Variants in CDKN2AIP observed in about 807,000 individuals in gnomAD.
The protein encoded by CDKN2AIP is CDKN2A interacting protein, also known as CDKN2A-interacting protein.
In CDKN2AIP, 12 loss-of-function variants were observed where a neutral mutation model predicts 44.1. The observed-to-expected ratio is 0.27, with a 90% CI of 0.17 to 0.44. CDKN2AIP has a LOEUF of 0.44. Among genes scored for constraint, CDKN2AIP ranks in the 20% least tolerant of loss-of-function variants. CDKN2AIP has a pLI of 1.00. For missense variants in CDKN2AIP, 705 were observed against 681.6 expected, an observed-to-expected ratio of 1.03 and a Z score of -0.38; for synonymous variants, 291 against 272.1, an observed-to-expected ratio of 1.07 and a Z score of -0.68.
rs1733687058 is a variant in CDKN2AIP, at chr4:183,446,600, T to C, written c.916T>C (p.Leu306=). 6.2e-7 allele frequency: 1 copy of C among 1,614,140 alleles called. No homozygotes were observed. Among genetic ancestry groups the C allele is most frequent in the Non-Finnish European group, 8.5e-7 (1 of 1,179,958 alleles). The change falls in exon 3 of 3, where the codon TTG becomes CTG. Residue 306 remains leucine (L), a synonymous_variant. Transcript: ENST00000504169. ...SGSSEVELPL[L]SSKPSSETAS... is the part of the protein sequence containing the mutation. ...AAGCTCAGAGGTAGAATTGCCACTA[T>C]TGTCTTCCAAACCTAGTTCAGAGAC...
Position 183,446,126 on chromosome 4 carries a change from G to A in CDKN2AIP, c.442G>A (p.Gly148Arg). 6.2e-7 allele frequency: 1 copy of A among 1,612,778 alleles called. No homozygotes were observed. Among genetic ancestry groups the A allele is most frequent in the Non-Finnish European group, 8.5e-7 (1 of 1,179,588 alleles). Residue 148 changes from glycine to arginine, a missense_variant, in exon 3 of 3, where the codon GGA (glycine) becomes AGA (arginine). Physicochemically the swap from Gly to Arg is moderately radical, Grantham distance 125 (BLOSUM62 -2). This residue lies in a region of CDKN2AIP where 592 missense variants were observed against 518.0 expected (regional missense o/e 1.14). Coordinates refer to ENST00000504169, the MANE Select transcript of CDKN2AIP (RefSeq NM_017632.4). Reference protein sequence around the residue: ...EEPSKKRVIEGKNSSAVEQDH... With the variant: ...EEPSKKRVIERKNSSAVEQDH... Reference sequence around the variant, plus strand: ...GCCATCCAAAAAACGAGTTATAGAAGGAAAAAACAGTTCTGCAGTTGAGCA... The same window carrying A: ...GCCATCCAAAAAACGAGTTATAGAAAGAAAAAACAGTTCTGCAGTTGAGCA...
chr4:183,445,089 T>C lies in CDKN2AIP; in HGVS notation c.272+20T>C, dbSNP rs1199986277. 1 of 1,559,096 alleles carries C rather than the reference T, an allele frequency of 6.4e-7. No individual in the cohort carries two copies. Among genetic ancestry groups the C allele is most frequent in the South Asian group, 1.2e-5 (1 of 85,776 alleles). Reference sequence around the variant, plus strand: ...GTGCCGGTGAGTGAGGCAGCGTCCCTAACCAGCACGCCTCGTTTTGTGTGC... The same window carrying C: ...GTGCCGGTGAGTGAGGCAGCGTCCCCAACCAGCACGCCTCGTTTTGTGTGC... On this transcript the variant is annotated intron_variant, in intron 1 of 2. Transcript: ENST00000504169.
chr4:183,445,843 G>A, intron 2 of CDKN2AIP, 178 bp downstream of exon 2: 1 of 648,666 alleles, frequency 1.5e-6, no homozygotes, highest in African/African-American at 1.8e-5. Context: ...GAATTTGATA[G>A]TTTGCTTTGA....
In CDKN2AIP at chr4:183,447,917, T is replaced by C. The variant is rs1226241042; in HGVS notation, c.*490T>C. ...TGTTAAAAAATAAAAGAAAAAATAG[T>C]TGCTTCAAACTATTTTTATGAGAAG... On this transcript the variant is annotated 3_prime_UTR_variant, in exon 3 of 3. Transcript: ENST00000504169. The C allele has an allele frequency of 1.3e-5, 2 of 152,360 alleles. No homozygotes were observed. The highest frequency in any genetic ancestry group is 2.9e-5 in the Non-Finnish European group (2 of 68,042). The allele number at this position is 152,360 out of a possible 1,614,324, so 9.4% of individuals were successfully genotyped here. A position where few individuals can be genotyped will look rare whatever the true frequency, so the allele number is the denominator to read the frequency against.
rs1733740550 is a variant in CDKN2AIP at position 183,449,016 on chromosome 4, GAAAAGC to G, written c.*1594_*1599del. 6.6e-6 allele frequency among the ~76,000 whole-genome samples: 1 copy of G among 152,000 alleles called. No individual in the cohort carries two copies. The highest frequency in any genetic ancestry group is 2.4e-5 in the African/African-American group (1 of 41,382). ...GTATTTTGTGGGATAATGATTATCA[GAAAAGC>G]AAAAAATTACAACGAACAAATAAAT... On this transcript the variant is annotated 3_prime_UTR_variant, in exon 3 of 3. Coordinates refer to ENST00000504169, the MANE Select transcript of CDKN2AIP (RefSeq NM_017632.4).
chr4:183,445,364 C>G (rs1233134949), intron 1 of CDKN2AIP, 171 bp from the exon 2 acceptor site: 2 of 633,252 alleles, frequency 3.2e-6, no homozygotes, highest in Non-Finnish European at 5.5e-6. Flanking sequence ...AGGAGGTGCC[C>G]TGCCTCCCAG....
intron 2 of CDKN2AIP, 94 bp downstream of exon 2, chr4:183,445,759 G>C: frequency 2.1e-6 from 2 of 974,440 alleles, no homozygotes; most frequent in Non-Finnish European, 3.2e-6. Context: ...TAACAAGCCA[G>C]AATTTTTATG....
At chr4:183,445,182 G>A in intron 1 of CDKN2AIP, 113 bp downstream of exon 1, 3 of 1,335,864 alleles carry the variant, frequency 2.2e-6, no homozygotes, top group South Asian at 2.8e-5. Flanking sequence ...GTTGTGAAGC[G>A]CGGGAATCCG....
In CDKN2AIP at chr4:183,447,863, A is replaced by G. The variant is rs934493580; in HGVS notation, c.*436A>G. On this transcript the variant is annotated 3_prime_UTR_variant, in exon 3 of 3. Coordinates refer to ENST00000504169, the MANE Select transcript of CDKN2AIP (RefSeq NM_017632.4). Reference sequence around the variant, plus strand: ...AAAGTCTGTAAAGCTTAAGGTTTTAAAAATGTTGCCCGTAATGTTGAACGT... The same window carrying G: ...AAAGTCTGTAAAGCTTAAGGTTTTAGAAATGTTGCCCGTAATGTTGAACGT... 2.6e-5 allele frequency: 4 copies of G among 153,058 alleles called. No individual in the cohort carries two copies. Among genetic ancestry groups the G allele is most frequent in the Admixed American group, 6.5e-5 (1 of 15,290 alleles). 9.5% of individuals were successfully genotyped at this position (153,058 alleles called of 1,614,324 possible).
intron 1 of CDKN2AIP, 159 bp from the exon 2 acceptor site, chr4:183,445,376 C>T (rs1396332534): frequency 3.1e-6 from 2 of 651,480 alleles, no homozygotes; most frequent in East Asian, 2.7e-5. Context: ...GCCTCCCAGA[C>T]CCTGGGGCAC....
Position 183,446,882 on chromosome 4 carries a change from A to G in CDKN2AIP, c.1198A>G (p.Ser400Gly). ...AAGTGTGTCCCAGTTGGCTTCTAAG[A>G]GTAGTTCTCAGACTAGCACCTCACA... is the stretch of plus-strand genomic sequence containing the variant. ...LASVSQLASK[S>G]SSQTSTSQLP... The change falls in exon 3 of 3, where the codon AGT (serine) becomes GGT (glycine). Residue 400 changes from serine (S) to glycine (G), a missense_variant. Ser to Gly is a moderately conservative substitution (Grantham distance 56). This residue lies in a region of CDKN2AIP where 592 missense variants were observed against 518.0 expected (regional missense o/e 1.14). Coordinates refer to ENST00000504169, the MANE Select transcript of CDKN2AIP (RefSeq NM_017632.4). 1 of 1,614,200 alleles carries G rather than the reference A, an allele frequency of 6.2e-7. No individual in the cohort carries two copies. Among genetic ancestry groups the G allele is most frequent in the South Asian group, 1.1e-5 (1 of 91,086 alleles).
At chr4:183,445,753 A>T (rs1161803679) in intron 2 of CDKN2AIP, 88 bp downstream of exon 2, 3 of 1,110,012 alleles carry the variant, frequency 2.7e-6, no homozygotes, top group Non-Finnish European at 4.0e-6. Context: ...TTTTTTTAAC[A>T]AGCCAGAATT....
rs984091407 is a variant in CDKN2AIP, at chr4:183,446,724, C to G, written c.1040C>G (p.Pro347Arg). ...SSSSGTSLLTPKSSSSTNTSL... is the reference protein window; with the variant it reads ...SSSSGTSLLTRKSSSSTNTSL... ...TCATCAGGCACATCCTTACTGACTC[C>G]CAAGAGCAGCTCTTCAACAAATACA... Residue 347 changes from proline to arginine, a missense_variant, in exon 3 of 3, where the codon CCC becomes CGC. Physicochemically the swap from Pro to Arg is moderately radical, Grantham distance 103. Around this residue, in one of 2 missense-constraint regions of CDKN2AIP, gnomAD observed 592 missense variants for 518.0 expected, o/e 1.14. Transcript: ENST00000504169. 9 of 1,614,038 alleles carry G rather than the reference C, an allele frequency of 5.6e-6. No individual in the cohort carries two copies. Among genetic ancestry groups the G allele is most frequent in the Non-Finnish European group, 6.8e-6 (8 of 1,179,986 alleles).
At position 183,446,681 on chromosome 4, in the gene CDKN2AIP, G is replaced by T. The variant is rs751102506; in HGVS notation, c.997G>T (p.Val333Phe). 2 of 1,614,134 alleles carry T rather than the reference G, an allele frequency of 1.2e-6. No homozygotes were observed. The highest frequency in any genetic ancestry group is 1.7e-6 in the Non-Finnish European group (2 of 1,179,974). Reference protein sequence around the residue: ...TSSEASVSSSVAKNSSSSGTS... With the variant: ...TSSEASVSSSFAKNSSSSGTS... ...TTCAGAGGCAAGTGTTTCATCATCA[G>T]TTGCTAAAAACAGTTCCTCATCAGG... Residue 333 changes from valine (V) to phenylalanine (F), a missense_variant, in exon 3 of 3, where the codon GTT (valine) becomes TTT (phenylalanine). Physicochemically the swap from Val to Phe is conservative, Grantham distance 50 (BLOSUM62 -1). This residue lies in a region of CDKN2AIP where 592 missense variants were observed against 518.0 expected (regional missense o/e 1.14). Coordinates refer to ENST00000504169, the MANE Select transcript of CDKN2AIP (RefSeq NM_017632.4).
Position 183,447,471 on chromosome 4 carries a change from G to A in CDKN2AIP, c.*44G>A. The A allele has an allele frequency of 7.2e-7, 1 of 1,392,570 alleles. No individual in the cohort carries two copies. Among genetic ancestry groups the A allele is most frequent in the Non-Finnish European group, 9.7e-7 (1 of 1,033,556 alleles). The allele number at this position is 1,392,570 out of a possible 1,614,324, so 86.3% of individuals were successfully genotyped here. On this transcript the variant is annotated 3_prime_UTR_variant, in exon 3 of 3. Transcript: ENST00000504169. ...GCATACAATATCTGGTATTTGAAGA[G>A]AAAAACTGACTTTTGTATAGTATAA...
Position 183,446,770 on chromosome 4 carries a change from C to G in CDKN2AIP, c.1086C>G (p.Ser362Arg), listed in dbSNP as rs368760511. ...STNTSLLTSK[S>R]TSQVAASLLA... The stretch of plus-strand genomic sequence containing the variant: ...ATACATCGCTGCTAACTTCCAAGAG[C>G]ACTTCCCAGGTAGCTGCATCACTAC... Residue 362 changes from serine (S) to arginine (R), a missense_variant, in exon 3 of 3, where the codon AGC (serine) becomes AGG (arginine). Around this residue, in one of 2 missense-constraint regions of CDKN2AIP, gnomAD observed 592 missense variants for 518.0 expected, o/e 1.14. Transcript: ENST00000504169. 40 of 1,614,190 alleles carry G rather than the reference C, an allele frequency of 2.5e-5. No homozygotes were observed. The African/African-American group carries it at 4.4e-4, about 18-fold the overall frequency.
At chr4:183,445,958 A>G in intron 2 of CDKN2AIP, 130 bp from the exon 3 acceptor site, 1 of 788,716 alleles carries the variant, frequency 1.3e-6, no homozygotes, top group Non-Finnish European at 2.0e-6. Flanking sequence ...TAATGACTCC[A>G]CACTTTTTAA....
At position 183,448,514 on chromosome 4, in the gene CDKN2AIP, G is replaced by T. The variant is rs554154877; in HGVS notation, c.*1087G>T. On this transcript the variant is annotated 3_prime_UTR_variant, in exon 3 of 3. Transcript: ENST00000504169. ...AAGTGGAATTTTGTTTTCGTCTTAG[G>T]TGATTCTGCCTGTTTGTCTGTCATT... 6.6e-6 allele frequency among the ~76,000 whole-genome samples: 1 copy of T among 152,072 alleles called. No homozygotes were observed. The highest frequency in any genetic ancestry group is 2.4e-5 in the African/African-American group (1 of 41,416).
chr4:183,445,928 T>TA, intron 2 of CDKN2AIP, 160 bp from the exon 3 acceptor site: 1 of 671,334 alleles, frequency 1.5e-6, no homozygotes, highest in Non-Finnish European at 2.6e-6. Flanking sequence ...ATGATGTTAT[T>TA]CAACACTGTT....
Sources: gnomAD v4.1 joint callset for allele counts (sites outside exome capture counted in the v4.1 genomes callset) on GRCh38, gnomAD v4.1.1 for gene constraint, gnomAD v4.1.1 regional missense constraint, MANE v1.5 for transcripts, NCBI Gene and HGNC (gene_info 2026-07-23, HGNC 2026-07-21) for gene names.